GPC6: variants seen among roughly 807,000 people sequenced by gnomAD.
GPC6 encodes the protein glypican 6.
Under a neutral mutation model 55.2 loss-of-function variants are expected in GPC6, and 14 were observed. The ratio of observed to expected loss-of-function variants is 0.25; its 90% CI spans 0.17 to 0.40. The LOEUF is 0.40. Among genes scored for constraint, GPC6 ranks in the 10% least tolerant of loss-of-function variants. The pLI is 1.00. For synonymous variants in GPC6, 278 were observed against 259.6 expected, an observed-to-expected ratio of 1.07 and a Z score of -0.68; for missense variants, 641 against 708.5, an observed-to-expected ratio of 0.90 and a Z score of 1.08.
At chr13:93,293,810 G>A (rs577801022) in intron 1 of GPC6, among the ~76,000 whole-genome samples, 1 of 151,668 alleles carries the variant, frequency 6.6e-6, no homozygotes, top group South Asian at 2.1e-4. Context: ...ATTCATTCAT[G>A]AGTTTAGGAA....
intron 2 of GPC6, among the ~76,000 whole-genome samples, chr13:93,825,431 C>T (rs1010181692): frequency 4.6e-5 from 7 of 152,166 alleles, no homozygotes; most frequent in Non-Finnish European, 1.0e-4. Context: ...CAAAGGACAC[C>T]GCCTCATGTG....
intron 1 of GPC6, among the ~76,000 whole-genome samples, chr13:93,321,983 G>A (rs1354352575): frequency 6.6e-6 from 1 of 151,856 alleles, no homozygotes; most frequent in Non-Finnish European, 1.5e-5. Context: ...TCCACCTCCT[G>A]CTCTCTTTTT....
chr13:93,809,556 C>A (rs1379514675), intron 2 of GPC6, among the ~76,000 whole-genome samples: 1 of 152,184 alleles, frequency 6.6e-6, no homozygotes, highest in Non-Finnish European at 1.5e-5. Flanking sequence ...TCTTGTCCCC[C>A]ATCAGTTTCT....
intron 4 of GPC6, among the ~76,000 whole-genome samples, chr13:94,244,842 G>A (rs1319197606): frequency 2.6e-5 from 4 of 151,808 alleles, no homozygotes; most frequent in African/African-American, 7.3e-5. Context: ...GGAATTATTA[G>A]GATCATATTT....
At chr13:93,983,431 G>GT (rs111524895) in intron 3 of GPC6, among the ~76,000 whole-genome samples, 46 of 144,062 alleles carry the variant, frequency 3.2e-4, no homozygotes, top group East Asian at 5.1e-4. Context: ...AATTCATCGT[G>GT]TTTTTTTTTT....
chr13:93,341,062 A>C (rs1880238508), intron 1 of GPC6, among the ~76,000 whole-genome samples: 1 of 152,202 alleles, frequency 6.6e-6, no homozygotes, highest in African/African-American at 2.4e-5. Flanking sequence ...AGCTCCATCC[A>C]AGTTGCTGCA....
At chr13:94,030,175 A>T (rs2138724005) in intron 4 of GPC6, among the ~76,000 whole-genome samples, 1 of 151,848 alleles carries the variant, frequency 6.6e-6, no homozygotes, top group African/African-American at 2.4e-5. Context: ...CACCAGGCTA[A>T]TTTTTTTGTA....
intron 1 of GPC6, among the ~76,000 whole-genome samples, chr13:93,383,496 C>T (rs945674016): frequency 7.2e-5 from 11 of 152,162 alleles, no homozygotes; most frequent in East Asian, 5.8e-4. Flanking sequence ...GGATTACAGG[C>T]GTGACCCATT....
At chr13:93,327,683 G>T (rs1376865238) in intron 1 of GPC6, among the ~76,000 whole-genome samples, 1 of 152,066 alleles carries the variant, frequency 6.6e-6, no homozygotes, top group African/African-American at 2.4e-5. Flanking sequence ...TTATGATACA[G>T]TAATAAGTGT....
intron 3 of GPC6, among the ~76,000 whole-genome samples, chr13:93,883,956 G>A (rs569165429): frequency 1.4e-4 from 22 of 152,182 alleles, no homozygotes; most frequent in African/African-American, 4.8e-4. Flanking sequence ...CATTGATAAA[G>A]CATAGGCTAA....
chr13:93,494,693 T>A (rs992817345), intron 1 of GPC6, among the ~76,000 whole-genome samples: 2 of 152,022 alleles, frequency 1.3e-5, no homozygotes, highest in Non-Finnish European at 2.9e-5. Context: ...AGCACTTCCT[T>A]CAGGAGCTCT....
intron 2 of GPC6, among the ~76,000 whole-genome samples, chr13:93,569,078 A>G (rs1184422642): frequency 6.6e-6 from 1 of 152,148 alleles, no homozygotes; most frequent in African/African-American, 2.4e-5. Flanking sequence ...GACTTTTTTC[A>G]AAGATCTTAA....
At chr13:93,980,459 A>G (rs941573752) in intron 3 of GPC6, among the ~76,000 whole-genome samples, 2 of 152,182 alleles carry the variant, frequency 1.3e-5, no homozygotes, top group Non-Finnish European at 2.9e-5. Flanking sequence ...GAGCCCAGAA[A>G]GAATCCAGCC....
At chr13:93,407,763 G>A (rs1876347973) in intron 1 of GPC6, among the ~76,000 whole-genome samples, 2 of 152,154 alleles carry the variant, frequency 1.3e-5, no homozygotes, top group African/African-American at 2.4e-5. Context: ...GATTCTGTGG[G>A]TAACTTTGAG....
At chr13:94,128,407 C>T (rs1358715268) in intron 4 of GPC6, among the ~76,000 whole-genome samples, 2 of 152,172 alleles carry the variant, frequency 1.3e-5, no homozygotes, top group African/African-American at 4.8e-5. Context: ...TGATAATAGA[C>T]AACTTCAAAA....
At chr13:93,550,890 T>C (rs939193437) in intron 2 of GPC6, among the ~76,000 whole-genome samples, 1 of 152,156 alleles carries the variant, frequency 6.6e-6, no homozygotes, top group Non-Finnish European at 1.5e-5. Flanking sequence ...AAATGACTAA[T>C]AATGACTAAA....
At chr13:93,647,023 C>T (rs1880202977) in intron 2 of GPC6, among the ~76,000 whole-genome samples, 1 of 152,020 alleles carries the variant, frequency 6.6e-6, no homozygotes, top group East Asian at 1.9e-4. Flanking sequence ...CTCTAGAGAC[C>T]CAGGGACTCC....
At chr13:94,389,232 TTACAAATC>T (rs1880539737) in intron 7 of GPC6, among the ~76,000 whole-genome samples, 1 of 152,094 alleles carries the variant, frequency 6.6e-6, no homozygotes, top group Non-Finnish European at 1.5e-5. Context: ...ATGGTGCAGG[TTACAAATC>T]TAGGCCTCCC....
chr13:93,535,313 A>G (rs561064361), intron 1 of GPC6, among the ~76,000 whole-genome samples: 2 of 152,316 alleles, frequency 1.3e-5, no homozygotes, highest in Admixed American at 1.3e-4. Flanking sequence ...TGTAGGTGTC[A>G]GAAGGTAGTT....
Sources: gnomAD v4.1 joint callset for allele counts (sites outside exome capture counted in the v4.1 genomes callset) on GRCh38, gnomAD v4.1.1 for gene constraint, MANE v1.5 for transcripts, NCBI Gene and HGNC (gene_info 2026-07-23, HGNC 2026-07-21) for gene names.